Variants in TRPC1 observed in about 807,000 individuals in gnomAD.
TRPC1 encodes the protein short transient receptor potential channel 1.
In TRPC1, 42 loss-of-function variants were observed where a neutral mutation model predicts 88.2. The observed-to-expected ratio is 0.48, with a 90% CI of 0.37 to 0.62. The LOEUF is 0.62. Among genes scored for constraint, TRPC1 ranks in the 20% least tolerant of loss-of-function variants. The pLI, the probability that TRPC1 is intolerant of heterozygous loss-of-function variation, is 0.00. For missense variants in TRPC1, 699 were observed against 957.3 expected (o/e 0.73, Z 3.56); for synonymous variants, 288 against 331.8 (o/e 0.87, Z 1.43).
intron 4 of TRPC1, among the ~76,000 whole-genome samples, chr3:142,774,941 G>T (rs1207605355): frequency 6.6e-6 from 1 of 152,088 alleles, no homozygotes; most frequent in Non-Finnish European, 1.5e-5. Flanking sequence ...TGCATTTTGT[G>T]ATTAATCCTT....
chr3:142,782,037 GT>G (rs1378577469), intron 6 of TRPC1, among the ~76,000 whole-genome samples: 1 of 152,018 alleles, frequency 6.6e-6, no homozygotes, highest in Admixed American at 6.6e-5. Context: ...TTGCTTCTGT[GT>G]TCCACAACCT....
intron 1 of TRPC1, among the ~76,000 whole-genome samples, chr3:142,735,902 T>C (rs1934116961): frequency 6.6e-6 from 1 of 152,206 alleles, no homozygotes; most frequent in Admixed American, 6.5e-5. Context: ...TTTTCTCCTG[T>C]AAAACCTCTT....
intron 4 of TRPC1, among the ~76,000 whole-genome samples, chr3:142,757,823 A>G (rs1935031424): frequency 6.6e-6 from 1 of 152,048 alleles, no homozygotes; most frequent in Admixed American, 6.6e-5. Context: ...ATTAAAAAAA[A>G]ATTTTTTTGT....
chr3:142,740,395 A>G (rs1258006415), intron 2 of TRPC1, among the ~76,000 whole-genome samples: 5 of 152,346 alleles, frequency 3.3e-5, no homozygotes, highest in Admixed American at 6.5e-5. Flanking sequence ...TCATCAGACA[A>G]ACACAGATGA....
Position 142,803,908 on chromosome 3 carries a change from T to G in TRPC1, c.1758-69T>G, listed in dbSNP as rs112321029. 3.9e-5 allele frequency: 56 copies of G among 1,450,426 alleles called. No individual in the cohort carries two copies. In the African/African-American group the frequency reaches 6.4e-4, roughly 17 times the overall value. 89.8% of individuals were successfully genotyped at this position (1,450,426 alleles called of 1,614,324 possible). On this transcript the variant is annotated intron_variant, in intron 10 of 12. Coordinates refer to ENST00000476941, the MANE Select transcript of TRPC1 (RefSeq NM_001251845.2). ...ATGTTTTATTTAAATAATTTTGATA[T>G]AAACAAATGATTCATTTTTGCTAAT...
intron 3 of TRPC1, among the ~76,000 whole-genome samples, chr3:142,744,120 T>C (rs2108036892): frequency 1.3e-5 from 2 of 152,172 alleles, no homozygotes; most frequent in Middle Eastern, 6.8e-3. Context: ...AATCTTAATA[T>C]TGGACAAATT....
At chr3:142,764,919 T>C (rs537358973) in intron 4 of TRPC1, among the ~76,000 whole-genome samples, 3 of 152,292 alleles carry the variant, frequency 2.0e-5, no homozygotes, top group South Asian at 4.1e-4. Flanking sequence ...TACTCTTTTA[T>C]ATCTTATAGG....
At chr3:142,798,250 GT>G (rs1383757167) in intron 9 of TRPC1, among the ~76,000 whole-genome samples, 5 of 152,246 alleles carry the variant, frequency 3.3e-5, no homozygotes, top group South Asian at 2.1e-4. Context: ...AGGACTTGGT[GT>G]TAATTAACTA....
Position 142,780,968 on chromosome 3 carries a change from T to C in TRPC1, c.899T>C (p.Leu300Ser). 6.2e-7 allele frequency: 1 copy of C among 1,613,840 alleles called. No individual in the cohort carries two copies. The highest frequency in any genetic ancestry group is 8.5e-7 in the Non-Finnish European group (1 of 1,179,826). ...GACGAGCCTCTTGACAAACGGGGAT[T>C]ATTAGAAGAAAGAATGAATTTAAGT... ...SSDEPLDKRG[L>S]LEERMNLSRL... The change falls in exon 6 of 13, where the codon TTA becomes TCA. Residue 300 changes from leucine (L) to serine (S), a missense_variant. By Grantham distance (145) the Leu-to-Ser change is moderately radical (BLOSUM62 -2). Around this residue, in one of 4 missense-constraint regions of TRPC1, gnomAD observed 426 missense variants for 641.3 expected, o/e 0.66. Coordinates refer to ENST00000476941, the MANE Select transcript of TRPC1 (RefSeq NM_001251845.2).
At chr3:142,758,956 C>G (rs908429410) in intron 4 of TRPC1, among the ~76,000 whole-genome samples, 14 of 151,686 alleles carry the variant, frequency 9.2e-5, no homozygotes, top group African/African-American at 2.9e-4. Flanking sequence ...ATAGTTTGCT[C>G]AGAATGATGG....
At chr3:142,756,517 G>A (rs902664874) in intron 4 of TRPC1, among the ~76,000 whole-genome samples, 16 of 151,958 alleles carry the variant, frequency 1.1e-4, no homozygotes, top group Admixed American at 7.2e-4. Context: ...CCACCACCAC[G>A]CCCGGCTAAT....
intron 8 of TRPC1, among the ~76,000 whole-genome samples, chr3:142,791,814 T>C (rs1377364188): frequency 6.6e-6 from 1 of 152,048 alleles, no homozygotes; most frequent in Non-Finnish European, 1.5e-5. Context: ...CTAATAACTA[T>C]ATATTTTTAT....
At chr3:142,803,776 A>T (rs1936693681) in intron 10 of TRPC1, among the ~76,000 whole-genome samples, 1 of 152,214 alleles carries the variant, frequency 6.6e-6, no homozygotes, top group Admixed American at 6.5e-5. Context: ...AACAGTTACA[A>T]ATAATTTATC....
intron 2 of TRPC1, among the ~76,000 whole-genome samples, chr3:142,742,663 G>A (rs951247241): frequency 6.6e-6 from 1 of 152,046 alleles, no homozygotes; most frequent in South Asian, 2.1e-4. Context: ...AAAATAATTA[G>A]GGCATTTTCT....
At chr3:142,731,836 A>G (rs1933933791) in intron 1 of TRPC1, among the ~76,000 whole-genome samples, 1 of 152,136 alleles carries the variant, frequency 6.6e-6, no homozygotes, top group South Asian at 2.1e-4. Context: ...TTTACATTTT[A>G]TATTTCAAAT....
intron 4 of TRPC1, among the ~76,000 whole-genome samples, chr3:142,758,413 T>A (rs1003016502): frequency 6.6e-6 from 1 of 152,228 alleles, no homozygotes; most frequent in Admixed American, 6.5e-5. Flanking sequence ...TTCATATACT[T>A]GTTGGTCATT....
intron 10 of TRPC1, among the ~76,000 whole-genome samples, 174 bp downstream of exon 10, chr3:142,802,518 T>C (rs1449055240): frequency 6.6e-6 from 1 of 152,198 alleles, no homozygotes; most frequent in Non-Finnish European, 1.5e-5. Context: ...CATCTTTACA[T>C]ACAGCATCTT....
At chr3:142,726,045 A>G (rs965350948) in intron 1 of TRPC1, among the ~76,000 whole-genome samples, 1 of 152,206 alleles carries the variant, frequency 6.6e-6, no homozygotes, top group Non-Finnish European at 1.5e-5. Context: ...ATATACATCT[A>G]CAACGTCACA....
chr3:142,764,718 G>A (rs1935323840), intron 4 of TRPC1, among the ~76,000 whole-genome samples: 1 of 152,028 alleles, frequency 6.6e-6, no homozygotes, highest in Non-Finnish European at 1.5e-5. Context: ...ACCTTTGTGA[G>A]TTTGATTATT....
Sources: allele counts gnomAD v4.1 joint callset (sites outside exome capture counted in the v4.1 genomes callset), GRCh38; gene constraint gnomAD v4.1.1; regional missense constraint gnomAD v4.1.1; transcripts MANE v1.5; gene names NCBI Gene and HGNC (gene_info 2026-07-23, HGNC 2026-07-21).